The following ANO4 variants were observed in gnomAD, a reference collection of about 807,000 sequenced individuals.
The protein encoded by ANO4 is anoctamin 4.
Under a neutral mutation model 141.9 loss-of-function variants are expected in ANO4, and 69 were observed. The observed-to-expected ratio is 0.49, with a 90% confidence interval of 0.40 to 0.59. ANO4 has a LOEUF of 0.59. Ranked by LOEUF, ANO4 falls within the 20% of genes least tolerant of loss-of-function variation. The pLI is 0.00. For synonymous variants in ANO4, 350 were observed against 394.3 expected (o/e 0.89, Z 1.33); for missense variants, 894 against 1,162.2 (o/e 0.77, Z 3.36).
chr12:101,099,959 G>A (rs2050130387), intron 22 of ANO4, among the ~76,000 whole-genome samples: 1 of 152,156 alleles, frequency 6.6e-6, no homozygotes, highest in African/African-American at 2.4e-5. Flanking sequence ...GGCTTTGGAA[G>A]TAAATTATCT....
intron 14 of ANO4, among the ~76,000 whole-genome samples, chr12:101,074,705 C>T (rs80003378): frequency 1.6e-3 from 245 of 152,200 alleles, no homozygotes; most frequent in African/African-American, 5.6e-3. Flanking sequence ...AAGCTTCAAA[C>T]GTTGATACTA....
At chr12:100,893,346 T>G (rs2040195981) in intron 1 of ANO4, among the ~76,000 whole-genome samples, 1 of 151,958 alleles carries the variant, frequency 6.6e-6, no homozygotes, top group Non-Finnish European at 1.5e-5. Flanking sequence ...TTCATCAAGT[T>G]TTTTCTATGA....
At chr12:101,002,878 C>G (rs763972541) in intron 8 of ANO4, among the ~76,000 whole-genome samples, 26 of 152,176 alleles carry the variant, frequency 1.7e-4, no homozygotes, top group Non-Finnish European at 2.8e-4. Flanking sequence ...CCTCAGCATC[C>G]ATTTATTATC....
chr12:101,056,453 G>A (rs1282022308), intron 14 of ANO4, among the ~76,000 whole-genome samples: 1 of 151,992 alleles, frequency 6.6e-6, no homozygotes, highest in Non-Finnish European at 1.5e-5. Context: ...TATATCTTGT[G>A]ACTTACTAAA....
intron 27 of ANO4, 58 bp downstream of exon 27, chr12:101,127,132 A>G (rs2137085880): frequency 6.7e-7 from 1 of 1,491,864 alleles, no homozygotes; most frequent in Middle Eastern, 2.2e-4. Context: ...GGGTGCTTTA[A>G]ACTCCCTGAA....
At chr12:100,790,984 G>A (rs777933484), upstream of ANO4, among the ~76,000 whole-genome samples, 9 of 152,168 alleles carry the variant, frequency 5.9e-5, no homozygotes, top group Non-Finnish European at 8.8e-5. Flanking sequence ...TTTAGTGAGG[G>A]ACCATACTTT....
chr12:101,019,896 T>C (rs1043601487), intron 8 of ANO4, 138 bp from the exon 9 acceptor site: 6 of 687,862 alleles, frequency 8.7e-6, no homozygotes, highest in Non-Finnish European at 1.3e-5. Context: ...GATCTCTGGC[T>C]CCCTCAGGCT....
At chr12:100,801,961 A>G (rs1004307047) in intron 1 of ANO4, among the ~76,000 whole-genome samples, 4 of 152,184 alleles carry the variant, frequency 2.6e-5, no homozygotes, top group African/African-American at 9.6e-5. Flanking sequence ...AGGGAAGGAG[A>G]GCAGTTGCGC....
chr12:100,852,481 A>G lies in ANO4; in HGVS notation c.-140-49165A>G, dbSNP rs549115678. 3.3e-4 allele frequency: 51 copies of G among 152,342 alleles called. 1 individual carries two copies. The highest frequency in any genetic ancestry group is 1.2e-3 in the African/African-American group (48 of 41,580). 9.4% of individuals were successfully genotyped at this position (152,342 alleles called of 1,614,324 possible). Reference sequence around the variant, plus strand: ...ATGTGGCTATCATCCTCATGTTGACAAGATTGATGCTTTCCTCCAGACACC... The same window carrying G: ...ATGTGGCTATCATCCTCATGTTGACGAGATTGATGCTTTCCTCCAGACACC... On this transcript the variant is annotated intron_variant, in intron 1 of 27. Coordinates refer to ENST00000392977, the MANE Select transcript of ANO4 (RefSeq NM_001286615.2).
At chr12:100,859,803 A>T (rs1295885340) in intron 1 of ANO4, among the ~76,000 whole-genome samples, 1 of 152,092 alleles carries the variant, frequency 6.6e-6, no homozygotes, top group African/African-American at 2.4e-5. Flanking sequence ...GTGGGTACTT[A>T]ATACTATTAG....
intron 15 of ANO4, among the ~76,000 whole-genome samples, 181 bp from the exon 16 acceptor site, chr12:101,083,497 A>C (rs900869478): frequency 6.6e-6 from 1 of 152,166 alleles, no homozygotes; most frequent in Non-Finnish European, 1.5e-5. Context: ...TTCACTCTTT[A>C]GATTTTCTTC....
At chr12:100,786,540 C>A (rs545348606) in intron 3 of ANO4, among the ~76,000 whole-genome samples, 1 of 152,168 alleles carries the variant, frequency 6.6e-6, no homozygotes, top group African/African-American at 2.4e-5. Context: ...ATTTTGTGCT[C>A]AGGAAGACAG....
chr12:100,718,814 G>C (rs2030728501), intron 1 of ANO4, among the ~76,000 whole-genome samples: 1 of 152,152 alleles, frequency 6.6e-6, no homozygotes, highest in African/African-American at 2.4e-5. Context: ...TGGTTCCTGG[G>C]TTACCATCTG....
At chr12:101,123,307 T>C (rs903424765) in intron 26 of ANO4, among the ~76,000 whole-genome samples, 1 of 152,218 alleles carries the variant, frequency 6.6e-6, no homozygotes, top group Non-Finnish European at 1.5e-5. Flanking sequence ...TCTTGTTGTT[T>C]GTTTGGGATT....
chr12:101,020,215 G>A, intron 9 of ANO4, 75 bp downstream of exon 9: 1 of 1,034,956 alleles, frequency 9.7e-7, no homozygotes, highest in South Asian at 1.4e-5. Context: ...GTTTTATTAA[G>A]TTTGTATCAA....
chr12:101,024,714 C>T (rs974583228), intron 9 of ANO4, among the ~76,000 whole-genome samples: 2 of 152,026 alleles, frequency 1.3e-5, no homozygotes, highest in African/African-American at 4.8e-5. Context: ...AATAGAGACT[C>T]CAGGGAATCA....
intron 3 of ANO4, among the ~76,000 whole-genome samples, chr12:100,785,026 CAACTT>C (rs1356039710): frequency 3.3e-5 from 5 of 151,958 alleles, no homozygotes; most frequent in Admixed American, 2.6e-4. Flanking sequence ...CTTCGTAAGA[CAACTT>C]AAATTAGTAA....
chr12:101,104,672 A>AT (rs2050370185), intron 22 of ANO4, among the ~76,000 whole-genome samples: 2 of 45,168 alleles, frequency 4.4e-5, no homozygotes, highest in Admixed American at 2.5e-4. Flanking sequence ...TATATATATA[A>AT]ATAAAAAGAT....
intron 1 of ANO4, among the ~76,000 whole-genome samples, chr12:100,850,004 G>T (rs1283694318): frequency 1.3e-5 from 2 of 152,170 alleles, no homozygotes; most frequent in Non-Finnish European, 2.9e-5. Flanking sequence ...TGGTTGAGAT[G>T]AGTTGAAAGT....
Sources: allele counts gnomAD v4.1 joint callset (sites outside exome capture counted in the v4.1 genomes callset), GRCh38; gene constraint gnomAD v4.1.1; transcripts MANE v1.5; gene names NCBI Gene and HGNC (gene_info 2026-07-23, HGNC 2026-07-21).